Variants in KSR1 observed in about 807,000 individuals in gnomAD.
KSR1 encodes the protein kinase suppressor of ras 1, also known as kinase suppressor of ras.
Under a neutral mutation model 92.9 loss-of-function variants are expected in KSR1, and 35 were observed. The observed-to-expected ratio is 0.38, with a 90% CI of 0.29 to 0.50. The LOEUF is 0.50. Ranked by LOEUF, KSR1 falls within the 20% of genes least tolerant of loss-of-function variation. The pLI is 0.94. For synonymous variants in KSR1, 467 were observed against 472.6 expected, an observed-to-expected ratio of 0.99 and a Z score of 0.15; for missense variants, 972 against 1,158.5, an observed-to-expected ratio of 0.84 and a Z score of 2.34.
chr17:27,542,479 A>G (rs1413079528), intron 1 of KSR1, among the ~76,000 whole-genome samples: 1 of 152,158 alleles, frequency 6.6e-6, no homozygotes, highest in African/African-American at 2.4e-5. Flanking sequence ...GTGACAACCT[A>G]TAATAGGCCT....
chr17:27,618,201 T>G (rs2074117361), intron 19 of KSR1, among the ~76,000 whole-genome samples: 1 of 151,828 alleles, frequency 6.6e-6, no homozygotes, highest in Non-Finnish European at 1.5e-5. Context: ...CACTTGGGTT[T>G]AGAAGCTCTC....
intron 2 of KSR1, among the ~76,000 whole-genome samples, chr17:27,558,465 T>C (rs868645329): frequency 6.6e-6 from 1 of 152,054 alleles, no homozygotes; most frequent in Non-Finnish European, 1.5e-5. Flanking sequence ...CTCACATACA[T>C]GCGCACACAG....
At chr17:27,599,521 C>T (rs1367377517) in intron 10 of KSR1, among the ~76,000 whole-genome samples, 1 of 152,214 alleles carries the variant, frequency 6.6e-6, no homozygotes, top group Non-Finnish European at 1.5e-5. Context: ...TGCACCACTG[C>T]ACTCCAGCCT....
chr17:27,561,748 C>T (rs2071837645), intron 2 of KSR1, among the ~76,000 whole-genome samples: 1 of 152,188 alleles, frequency 6.6e-6, no homozygotes. Flanking sequence ...GCCAAAGGTA[C>T]CCACTTTTCA....
chr17:27,489,872 C>T (rs2068770049), intron 1 of KSR1, among the ~76,000 whole-genome samples: 1 of 152,192 alleles, frequency 6.6e-6, no homozygotes, highest in African/African-American at 2.4e-5. Context: ...AAAGGAGGGG[C>T]AGCTGCGTTC....
intron 19 of KSR1, chr17:27,617,794 C>G (rs1397040263): frequency 3.8e-6 from 1 of 264,832 alleles, no homozygotes; most frequent in East Asian, 1.1e-4. Context: ...TCCCAAAGTG[C>G]TGGGATTACG....
intron 1 of KSR1, among the ~76,000 whole-genome samples, chr17:27,537,995 G>C (rs749073039): frequency 1.3e-5 from 2 of 152,214 alleles, no homozygotes; most frequent in Non-Finnish European, 2.9e-5. Flanking sequence ...CAAAAAGATT[G>C]TTAAGTTGGA....
intron 17 of KSR1, 106 bp downstream of exon 17, chr17:27,610,304 C>T (rs2073879046): frequency 2.0e-6 from 3 of 1,490,338 alleles, no homozygotes; most frequent in Non-Finnish European, 2.7e-6. Context: ...AAAACCCAGG[C>T]TCTGGAGTAA....
intron 2 of KSR1, among the ~76,000 whole-genome samples, chr17:27,557,798 C>T (rs1056763949): frequency 6.6e-6 from 1 of 152,134 alleles, no homozygotes; most frequent in African/African-American, 2.4e-5. Flanking sequence ...CAGATGGTGG[C>T]TTTGCCTTGC....
chr17:27,584,028 T>C, intron 4 of KSR1: 1 of 954,886 alleles, frequency 1.0e-6, no homozygotes, highest in Non-Finnish European at 1.2e-6. Context: ...ATCTTGTCCC[T>C]TCTTGATGGG....
At chr17:27,545,311 G>A (rs768641498) in intron 1 of KSR1, among the ~76,000 whole-genome samples, 11 of 152,138 alleles carry the variant, frequency 7.2e-5, no homozygotes, top group South Asian at 4.1e-4. Flanking sequence ...TTTGTTTTTC[G>A]CTGCCATTTG....
intron 1 of KSR1, among the ~76,000 whole-genome samples, chr17:27,507,444 T>A (rs1337430294): frequency 4.0e-5 from 6 of 151,764 alleles, no homozygotes; most frequent in Admixed American, 2.0e-4. Flanking sequence ...AAGGAAAAAA[T>A]ATATATATTT....
chr17:27,620,434 C>G (rs1189063005), intron 19 of KSR1, among the ~76,000 whole-genome samples: 1 of 152,192 alleles, frequency 6.6e-6, no homozygotes. Context: ...TTCTTGTCAC[C>G]TTTGTATTCC....
chr17:27,526,841 G>A lies in KSR1; in HGVS notation c.232-23727G>A, dbSNP rs1024203738. ...TTTGGGCTCCTCCTCCGGGGGGAGG[G>A]GTGGAAGGAGTGCTCTGCAGGAAGT... On this transcript the variant is annotated intron_variant, in intron 1 of 20. Transcript: ENST00000644974. The A allele has an allele frequency of 6.9e-6, 5 of 725,946 alleles. No homozygotes were observed. The African/African-American group carries it at 8.8e-5, about 13-fold the overall frequency. The allele number at this position is 725,946 out of a possible 1,614,324, so 45.0% of individuals were successfully genotyped here. A position where few individuals can be genotyped will look rare whatever the true frequency, so the allele number is the denominator to read the frequency against.
intron 1 of KSR1, among the ~76,000 whole-genome samples, chr17:27,545,382 A>G (rs2071130827): frequency 6.6e-6 from 1 of 152,206 alleles, no homozygotes; most frequent in African/African-American, 2.4e-5. Context: ...CCTTTCAACA[A>G]AGGTTTTAAA....
At chr17:27,485,809 C>T (rs2068646412) in intron 1 of KSR1, among the ~76,000 whole-genome samples, 1 of 152,148 alleles carries the variant, frequency 6.6e-6, no homozygotes, top group Non-Finnish European at 1.5e-5. Context: ...GCTCTGTAAC[C>T]TTGGATGAGT....
At chr17:27,512,780 G>T (rs2069646692) in intron 1 of KSR1, among the ~76,000 whole-genome samples, 2 of 152,170 alleles carry the variant, frequency 1.3e-5, no homozygotes, top group Non-Finnish European at 2.9e-5. Context: ...TTTGGATCTA[G>T]ACATCATTCC....
intron 4 of KSR1, among the ~76,000 whole-genome samples, chr17:27,584,922 C>T (rs1346739120): frequency 3.9e-5 from 6 of 152,164 alleles, no homozygotes; most frequent in Non-Finnish European, 8.8e-5. Flanking sequence ...CCAGCCACAC[C>T]CTTGCCAACT....
At chr17:27,510,177 G>C (rs1310942461) in intron 1 of KSR1, among the ~76,000 whole-genome samples, 1 of 152,196 alleles carries the variant, frequency 6.6e-6, no homozygotes, top group Non-Finnish European at 1.5e-5. Context: ...ATGGACTTCT[G>C]ATCCTTTCTT....
Sources: gnomAD v4.1 joint callset for allele counts (sites outside exome capture counted in the v4.1 genomes callset) on GRCh38, gnomAD v4.1.1 for gene constraint, MANE v1.5 for transcripts, NCBI Gene and HGNC (gene_info 2026-07-23, HGNC 2026-07-21) for gene names.